Variants in MDGA2 observed in about 807,000 individuals in gnomAD.
MDGA2 encodes MAM domain-containing glycosylphosphatidylinositol anchor protein 2.
Under a neutral mutation model 117.8 loss-of-function variants are expected in MDGA2, and 40 were observed. That is an observed-to-expected ratio of 0.34 (90% CI 0.26 to 0.44). The LOEUF is 0.44. Among genes scored for constraint, MDGA2 ranks in the 20% least tolerant of loss-of-function variants. The pLI, the probability that MDGA2 is intolerant of heterozygous loss-of-function variation, is 1.00. For synonymous variants in MDGA2, 452 were observed against 439.0 expected, an observed-to-expected ratio of 1.03 and a Z score of -0.37; for missense variants, 1,123 against 1,250.6, an observed-to-expected ratio of 0.90 and a Z score of 1.54.
intron 11 of MDGA2, among the ~76,000 whole-genome samples, chr14:46,878,824 T>A (rs1444263518): frequency 2.6e-5 from 4 of 152,014 alleles, no homozygotes; most frequent in Non-Finnish European, 4.4e-5. Flanking sequence ...GATGTAAGCG[T>A]CCTTGAATTA....
intron 1 of MDGA2, among the ~76,000 whole-genome samples, chr14:47,379,116 A>G (rs1305863379): frequency 6.6e-6 from 1 of 152,192 alleles, no homozygotes; most frequent in Non-Finnish European, 1.5e-5. Context: ...CAGCCAAACT[A>G]AGCTTCATAA....
At chr14:47,316,353 T>C (rs1244163954) in intron 1 of MDGA2, among the ~76,000 whole-genome samples, 7 of 152,078 alleles carry the variant, frequency 4.6e-5, no homozygotes, top group Non-Finnish European at 8.8e-5. Flanking sequence ...AATAAGTACA[T>C]TTGTAAAAAT....
chr14:47,518,787 G>A (rs1468516321), intron 1 of MDGA2, among the ~76,000 whole-genome samples: 1 of 152,176 alleles, frequency 6.6e-6, no homozygotes, highest in Non-Finnish European at 1.5e-5. Flanking sequence ...GACACTAGAA[G>A]CTGTCAAACA....
intron 15 of MDGA2, among the ~76,000 whole-genome samples, chr14:46,854,676 G>A (rs1338728521): frequency 6.6e-6 from 1 of 151,596 alleles, no homozygotes; most frequent in Non-Finnish European, 1.5e-5. Flanking sequence ...ATTGAGAATT[G>A]ATTACCAAGT....
chr14:47,105,698 A>G (rs1448320631), intron 5 of MDGA2, among the ~76,000 whole-genome samples: 1 of 149,802 alleles, frequency 6.7e-6, no homozygotes, highest in East Asian at 2.0e-4. Flanking sequence ...TTTACACATC[A>G]GTCCCTTCCT....
At chr14:47,586,001 T>G (rs1896318087) in intron 1 of MDGA2, among the ~76,000 whole-genome samples, 1 of 151,908 alleles carries the variant, frequency 6.6e-6, no homozygotes, top group South Asian at 2.1e-4. Context: ...TTGTTCAACC[T>G]AGGTCACATG....
intron 1 of MDGA2, among the ~76,000 whole-genome samples, chr14:47,355,244 T>C (rs1399223790): frequency 6.6e-6 from 1 of 152,106 alleles, no homozygotes; most frequent in East Asian, 1.9e-4. Context: ...GGACCTATGA[T>C]CAGCCCTGAA....
chr14:46,981,734 C>T (rs1886679901), intron 8 of MDGA2, among the ~76,000 whole-genome samples: 1 of 152,120 alleles, frequency 6.6e-6, no homozygotes, highest in African/African-American at 2.4e-5. Context: ...AGCTTTTGAT[C>T]ACACAGAGAG....
chr14:47,646,711 C>G (rs1038189437), intron 1 of MDGA2, among the ~76,000 whole-genome samples: 12 of 152,100 alleles, frequency 7.9e-5, no homozygotes, highest in African/African-American at 2.9e-4. Flanking sequence ...CATTTAATGC[C>G]CTACAACCCT....
At chr14:47,224,326 G>GATATAGATATAGATATAGATATAC (rs1594736742) in intron 2 of MDGA2, among the ~76,000 whole-genome samples, 2 of 150,588 alleles carry the variant, frequency 1.3e-5, no homozygotes, top group East Asian at 3.9e-4. Flanking sequence ...TATAGATATA[G>GATATAGATATAGATATAGATATAC]ATATTTCCTG....
At chr14:46,978,959 A>C (rs745776112) in intron 8 of MDGA2, among the ~76,000 whole-genome samples, 16 of 152,110 alleles carry the variant, frequency 1.1e-4, no homozygotes, top group Non-Finnish European at 5.9e-5. Flanking sequence ...ACCTTGTTTT[A>C]TTGTGCTACA....
At chr14:47,564,343 A>T (rs1386082470) in intron 1 of MDGA2, among the ~76,000 whole-genome samples, 2 of 152,176 alleles carry the variant, frequency 1.3e-5, no homozygotes, top group Non-Finnish European at 2.9e-5. Context: ...GAGGCTGGGC[A>T]ATTTGCTAAA....
intron 8 of MDGA2, among the ~76,000 whole-genome samples, chr14:47,013,810 A>G (rs1191155205): frequency 1.1e-5 from 1 of 92,852 alleles, no homozygotes; most frequent in Non-Finnish European, 2.2e-5. Context: ...TTTTTTTTTG[A>G]CAGAGTGTTG....
At chr14:47,090,395 G>A (rs1163303411) in intron 6 of MDGA2, among the ~76,000 whole-genome samples, 2 of 149,758 alleles carry the variant, frequency 1.3e-5, no homozygotes, top group African/African-American at 4.9e-5. Flanking sequence ...AAAAAAAAAT[G>A]CTGAAATAAT....
At chr14:47,412,074 A>G (rs1566774025) in intron 1 of MDGA2, among the ~76,000 whole-genome samples, 1 of 152,108 alleles carries the variant, frequency 6.6e-6, no homozygotes, top group Non-Finnish European at 1.5e-5. Context: ...TATTTTTTGG[A>G]AAGAAGAAGG....
rs189641167 is a variant in MDGA2, at chr14:47,358,478, G to A, written c.281-56928C>T. On this transcript the variant is annotated intron_variant, in intron 1 of 16. Coordinates refer to ENST00000399232, the MANE Select transcript of MDGA2 (RefSeq NM_001113498.3). Reference sequence around the variant, plus strand: ...AAAGTACTAGCAAGAGCGATCAGACGGTAAAAAGAAACAAAGGGTATTCAA... The same window carrying A: ...AAAGTACTAGCAAGAGCGATCAGACAGTAAAAAGAAACAAAGGGTATTCAA... 3.9e-5 allele frequency among the ~76,000 whole-genome samples: 6 copies of A among 152,138 alleles called. No individual in the cohort carries two copies. In the South Asian group the frequency reaches 1.0e-3, roughly 26 times the overall value.
chr14:46,881,840 A>G lies in MDGA2; in HGVS notation c.2416+204T>C, dbSNP rs139492802. Among the ~76,000 whole-genome samples, 710 of 152,156 alleles carry G rather than the reference A, an allele frequency of 4.7e-3. 6 individuals are homozygous for G. The highest frequency in any genetic ancestry group is 0.016 in the African/African-American group (651 of 41,564). The stretch of plus-strand genomic sequence containing the variant: ...GGTTCACAATTAACTAAATTATTCT[A>G]TATCTCTACATTTGTAATCAAATGT... On this transcript the variant is annotated intron_variant, in intron 11 of 16. Transcript: ENST00000399232.
intron 2 of MDGA2, among the ~76,000 whole-genome samples, chr14:47,260,806 A>G (rs1355952014): frequency 6.6e-6 from 1 of 152,072 alleles, no homozygotes; most frequent in Non-Finnish European, 1.5e-5. Context: ...TTTTCAGGAT[A>G]CCTTTGTAAT....
chr14:47,520,411 C>T (rs766017651), intron 1 of MDGA2, among the ~76,000 whole-genome samples: 13 of 152,158 alleles, frequency 8.5e-5, no homozygotes, highest in Non-Finnish European at 1.3e-4. Context: ...CTACAAGCAA[C>T]TCATGAGATT....
Sources: allele counts gnomAD v4.1 joint callset (sites outside exome capture counted in the v4.1 genomes callset), GRCh38; gene constraint gnomAD v4.1.1; transcripts MANE v1.5; gene names NCBI Gene and HGNC (gene_info 2026-07-23, HGNC 2026-07-21).